Variants in TOP3A observed in about 807,000 individuals in gnomAD.
The protein encoded by TOP3A is DNA topoisomerase 3-alpha.
TOP3A carries 64 observed loss-of-function variants against 111.3 expected under a neutral mutation model. The ratio of observed to expected loss-of-function variants is 0.57; its 90% CI spans 0.47 to 0.71. The LOEUF (loss-of-function observed/expected upper bound fraction) is 0.71, where lower values mean the gene tolerates loss of function less well. TOP3A is among the 30% of genes least tolerant of loss of function. The pLI, the probability that TOP3A is intolerant of heterozygous loss-of-function variation, is 0.00. For missense variants in TOP3A, 1,104 were observed against 1,285.0 expected (o/e 0.86, Z 2.15); for synonymous variants, 484 against 485.1 (o/e 1.00, Z 0.03).
intron 18 of TOP3A, 140 bp downstream of exon 18, chr17:18,277,534 GA>G (rs1374360693): frequency 1.3e-5 from 11 of 854,666 alleles, no homozygotes; most frequent in Non-Finnish European, 1.8e-5. Flanking sequence ...ATCAAGTGAG[GA>G]AAAGTGAGGT....
rs775968686 is a variant in TOP3A, at chr17:18,302,577, C to T, written c.643+3G>A. 2 of 1,613,904 alleles carry T rather than the reference C, an allele frequency of 1.2e-6. No homozygotes were observed. The highest frequency in any genetic ancestry group is 3.3e-5 in the Admixed American group (2 of 60,004). ...CATGGGAGAGGTCTGCCTAGCTCCT[C>T]ACCAATCCTCAGGTCCAGCTCCTGC... On this transcript the variant is annotated splice_donor_region_variant and intron_variant, in intron 6 of 18. Coordinates refer to ENST00000321105, the MANE Select transcript of TOP3A (RefSeq NM_004618.5).
At chr17:18,288,479 TG>T (rs1980265631) in intron 13 of TOP3A, among the ~76,000 whole-genome samples, 1 of 151,612 alleles carries the variant, frequency 6.6e-6, no homozygotes, top group South Asian at 2.1e-4. Flanking sequence ...ATTATTTTTT[TG>T]TAAGTGTACC....
rs769716345 is a variant in TOP3A, at chr17:18,299,624, C to T, written c.925G>A (p.Ala309Thr). 9.3e-6 allele frequency: 15 copies of T among 1,613,878 alleles called. No homozygotes were observed. In the South Asian group the frequency reaches 1.6e-4, roughly 18 times the overall value. Reference protein sequence around the residue: ...LYQLCVEDPMATVVEVRSKPK... With the variant: ...LYQLCVEDPMTTVVEVRSKPK... ...TTAGATCTGACCTCTACCACAGTTG[C>T]CATGGGATCCTAGAAAGCCAGGAAA... Residue 309 changes from alanine to threonine, a missense_variant, in exon 9 of 19, where the codon GCA becomes ACA. Coordinates refer to ENST00000321105, the MANE Select transcript of TOP3A (RefSeq NM_004618.5).
At position 18,297,420 on chromosome 17, in the gene TOP3A, C is replaced by T. The variant is rs1283357172; in HGVS notation, c.990+2139G>A. 3.3e-5 allele frequency among the ~76,000 whole-genome samples: 4 copies of T among 120,542 alleles called. No individual in the cohort carries two copies. In the East Asian group the frequency reaches 7.0e-4, roughly 21 times the overall value. 79.1% of individuals were successfully genotyped at this position (120,542 alleles called of 152,430 possible). A position where few individuals can be genotyped will look rare whatever the true frequency, so the allele number is the denominator to read the frequency against. ...AGCCTAGGCAACAAGAGCGAAACTG[C>T]GCCCTGTCCCTGTCCCTGTCCCTCT... On this transcript the variant is annotated intron_variant, in intron 9 of 18. Coordinates refer to ENST00000321105, the MANE Select transcript of TOP3A (RefSeq NM_004618.5).
chr17:18,300,366 C>G (rs1019856107), intron 8 of TOP3A, among the ~76,000 whole-genome samples: 1 of 150,116 alleles, frequency 6.7e-6, no homozygotes, highest in African/African-American at 2.5e-5. Flanking sequence ...TGCACTCCAG[C>G]CTGGCAAATG....
In TOP3A at chr17:18,314,641, G is replaced by C; in HGVS notation, c.138C>G (p.Ala46=). The C allele has an allele frequency of 6.2e-7, 1 of 1,613,280 alleles. No homozygotes were observed. The highest frequency in any genetic ancestry group is 8.5e-7 in the Non-Finnish European group (1 of 1,179,654). ...TTGACAGCAGGTCGGCGATCCCCTT[G>C]GCCGCGTCGTTTTTTTCGGCCACAC... ...VLCVAEKNDA[A]KGIADLLSNG... The change falls in exon 1 of 19, where the codon GCC becomes GCG. Residue 46 remains alanine (A), a synonymous_variant. Transcript: ENST00000321105.
chr17:18,283,640 T>C (rs1373217689), intron 15 of TOP3A, among the ~76,000 whole-genome samples: 1 of 152,128 alleles, frequency 6.6e-6, no homozygotes, highest in Admixed American at 6.6e-5. Context: ...ACTATGCACC[T>C]GGAGATCCAT....
rs1979104046 is a variant in TOP3A, at chr17:18,273,164, TATGGGC to T, written c.*1632_*1637del. ...CCATCAGAACACAGAGCCACTGGTC[TATGGGC>T]CAGGAGCCCAAGACCTGAGAACAAT... On this transcript the variant is annotated 3_prime_UTR_variant, in exon 19 of 19. Transcript: ENST00000321105. 1 of 152,228 alleles carries T rather than the reference TATGGGC, an allele frequency of 6.6e-6. No individual in the cohort carries two copies. Among genetic ancestry groups the T allele is most frequent in the South Asian group, 2.1e-4 (1 of 4,832 alleles). 9.4% of individuals were successfully genotyped at this position (152,228 alleles called of 1,614,324 possible). A position where few individuals can be genotyped will look rare whatever the true frequency, so the allele number is the denominator to read the frequency against.
intron 5 of TOP3A, among the ~76,000 whole-genome samples, chr17:18,304,424 G>T (rs1278381994): frequency 6.6e-6 from 1 of 152,136 alleles, no homozygotes; most frequent in Non-Finnish European, 1.5e-5. Flanking sequence ...AAATTTCCAG[G>T]AGTCATTACA....
intron 9 of TOP3A, among the ~76,000 whole-genome samples, chr17:18,297,494 T>C (rs1388928412): frequency 2.9e-5 from 2 of 68,718 alleles, no homozygotes; most frequent in Non-Finnish European, 5.7e-5. Flanking sequence ...CTCCCTCTGA[T>C]GCCGAGCTGA....
chr17:18,314,833 C>A lies in TOP3A; in HGVS notation c.-55G>T. 6.9e-7 allele frequency: 1 copy of A among 1,445,102 alleles called. No individual in the cohort carries two copies. The highest frequency in any genetic ancestry group is 1.3e-5 in the South Asian group (1 of 74,092). 89.5% of individuals were successfully genotyped at this position (1,445,102 alleles called of 1,614,324 possible). Reference sequence around the variant, plus strand: ...CGGCTGCCGGCGCATCCTGGGGAAGCCAGAGATGAGGCTCAAATGGCGCCC... The same window carrying A: ...CGGCTGCCGGCGCATCCTGGGGAAGACAGAGATGAGGCTCAAATGGCGCCC... On this transcript the variant is annotated 5_prime_UTR_variant, in exon 1 of 19. Coordinates refer to ENST00000321105, the MANE Select transcript of TOP3A (RefSeq NM_004618.5).
intron 8 of TOP3A, 60 bp downstream of exon 8, chr17:18,301,825 G>A (rs1981243118): frequency 6.5e-6 from 9 of 1,389,198 alleles, no homozygotes; most frequent in South Asian, 3.5e-5. Flanking sequence ...CACCTCTGCC[G>A]ACAGTGGGAG....
chr17:18,277,787 T>C lies in TOP3A; in HGVS notation c.2715A>G (p.Thr905=). 1.2e-6 allele frequency: 2 copies of C among 1,614,216 alleles called. No homozygotes were observed. The highest frequency in any genetic ancestry group is 1.7e-6 in the Non-Finnish European group (2 of 1,180,042). ...TSCLCSQPSV[T]RTVQKDGPNK... is the part of the protein sequence containing the mutation. ...TGGGTCCATCCTTCTGCACAGTCCG[T>C]GTGACGGAGGGCTGGCTGCAAAGGC... The change falls in exon 18 of 19, where the codon ACA becomes ACG. Residue 905 remains threonine, a synonymous_variant. Transcript: ENST00000321105.
At position 18,274,898 on chromosome 17, in the gene TOP3A, A is replaced by G; in HGVS notation, c.2910T>C (p.Ser970=). The G allele has an allele frequency of 6.2e-7, 1 of 1,614,116 alleles. No individual in the cohort carries two copies. The highest frequency in any genetic ancestry group is 8.5e-7 in the Non-Finnish European group (1 of 1,180,022). ...SEARSKRPRA[S]SSDMGSTAKK... ...TTGCTGTGGACCCCATGTCTGAGGA[A>G]CTGGCCCGGGGCCTTTTGCTTCTGG... Residue 970 remains serine, a synonymous_variant, in exon 19 of 19, where the codon AGT becomes AGC. Coordinates refer to ENST00000321105, the MANE Select transcript of TOP3A (RefSeq NM_004618.5).
At chr17:18,307,981 G>A (rs1290831096) in intron 3 of TOP3A, among the ~76,000 whole-genome samples, 3 of 150,884 alleles carry the variant, frequency 2.0e-5, no homozygotes, top group Non-Finnish European at 4.4e-5. Flanking sequence ...GGAGGCTGAG[G>A]TGGGCAGACC....
At position 18,282,753 on chromosome 17, in the gene TOP3A, TG is replaced by T. The variant is rs1261042130; in HGVS notation, c.1965del (p.Arg656GlyfsTer61). On this transcript the variant is annotated frameshift_variant, in exon 16 of 19. Coordinates refer to ENST00000321105, the MANE Select transcript of TOP3A (RefSeq NM_004618.5). LOFTEE classifies it high-confidence loss of function. Reference sequence around the variant, plus strand: ...TCCTTGTTGCACTGTGGGCACTTCCTGATGGGCTCTGGCATGGCTGGGTAGA... The same window carrying T: ...TCCTTGTTGCACTGTGGGCACTTCCTATGGGCTCTGGCATGGCTGGGTAGA... Reference protein sequence around the residue: ...EDIYPAMPEPIRKCPQCNKDM... With the variant: ...EDIYPAMPEPXRKCPQCNKDM... The T allele has an allele frequency of 6.2e-7, 1 of 1,614,204 alleles. No individual in the cohort carries two copies.
At chr17:18,289,332 GTTGTTGTTGT>G (rs1467553371) in intron 13 of TOP3A, among the ~76,000 whole-genome samples, 2 of 140,764 alleles carry the variant, frequency 1.4e-5, no homozygotes, top group Non-Finnish European at 3.2e-5. Context: ...TTTTGTTGTT[GTTGTTGTTGT>G]TTGTTTGTTT....
In TOP3A at chr17:18,278,317, T is replaced by C. The variant is rs142891153; in HGVS notation, c.2185A>G (p.Met729Val). ...ATGCAGCAAACAAACTCCAGAGGCATGGTCGGGGGAAGGCTACCGCGCTTA... is the reference window on the plus strand; with the variant it reads ...ATGCAGCAAACAAACTCCAGAGGCACGGTCGGGGGAAGGCTACCGCGCTTA... ...KFKRGSLPPT[M>V]PLEFVCCIGG... is the part of the protein sequence containing the mutation. The change falls in exon 18 of 19, where the codon ATG (methionine) becomes GTG (valine). Residue 729 changes from methionine to valine, a missense_variant. Physicochemically the swap from Met to Val is conservative, Grantham distance 21. Coordinates refer to ENST00000321105, the MANE Select transcript of TOP3A (RefSeq NM_004618.5). The C allele has an allele frequency of 1.4e-5, 22 of 1,517,974 alleles. No homozygotes were observed. Among genetic ancestry groups the C allele is most frequent in the East Asian group, 1.4e-4 (6 of 43,916 alleles). The allele number at this position is 1,517,974 out of a possible 1,614,324, so 94.0% of individuals were successfully genotyped here. A position where few individuals can be genotyped will look rare whatever the true frequency, so the allele number is the denominator to read the frequency against.
At chr17:18,288,914 T>G (rs1980293586) in intron 13 of TOP3A, among the ~76,000 whole-genome samples, 1 of 152,244 alleles carries the variant, frequency 6.6e-6, no homozygotes, top group African/African-American at 2.4e-5. Flanking sequence ...AAGCTCTCAC[T>G]CTTGTGGGCC....
Sources: allele counts gnomAD v4.1 joint callset (sites outside exome capture counted in the v4.1 genomes callset), GRCh38; gene constraint gnomAD v4.1.1; transcripts MANE v1.5; gene names NCBI Gene and HGNC (gene_info 2026-07-23, HGNC 2026-07-21).